CASQ2: variants seen among roughly 807,000 people sequenced by gnomAD.
CASQ2 encodes calsequestrin 2, also known as calsequestrin-2.
In CASQ2, 49 loss-of-function variants were observed where a neutral mutation model predicts 46.5. The observed-to-expected ratio is 1.05, with a 90% CI of 0.84 to 1.34. The LOEUF is 1.34. Ranked by LOEUF, CASQ2 falls within the 40% of genes most tolerant of loss-of-function variation. CASQ2 has a pLI of 0.00. For synonymous variants in CASQ2, 174 were observed against 168.5 expected (o/e 1.03, Z -0.25); for missense variants, 486 against 481.3 (o/e 1.01, Z -0.09).
chr1:115,722,073 A>G (rs1387301089), intron 7 of CASQ2, among the ~76,000 whole-genome samples: 1 of 152,174 alleles, frequency 6.6e-6, no homozygotes, highest in African/African-American at 2.4e-5. Flanking sequence ...TCAAGGAAAC[A>G]AAGATGACAC....
In CASQ2 at chr1:115,719,873, T is replaced by C. The variant is rs750873006; in HGVS notation, c.784-1979A>G. Among the ~76,000 whole-genome samples, 5 of 152,246 alleles carry C rather than the reference T, an allele frequency of 3.3e-5. No homozygotes were observed. The East Asian group carries it at 9.6e-4, about 29-fold the overall frequency. ...GTTGTCTTGGAAATTCTGTTTTTAA[T>C]TGCATGAATCTTCCCTCCTCAACTA... On this transcript the variant is annotated intron_variant, in intron 7 of 10. Transcript: ENST00000261448.
At chr1:115,704,183 T>G (rs186620218) in intron 9 of CASQ2, among the ~76,000 whole-genome samples, 53 of 152,366 alleles carry the variant, frequency 3.5e-4, no homozygotes, top group Non-Finnish European at 4.7e-4. Flanking sequence ...CTCAATTTTC[T>G]CTATTTAATC....
At position 115,754,666 on chromosome 1, in the gene CASQ2, T is replaced by A. The variant is rs531725721; in HGVS notation, c.235-9754A>T. Among the ~76,000 whole-genome samples the A allele has an allele frequency of 2.0e-5, 3 of 152,298 alleles. No homozygotes were observed. In the East Asian group the frequency reaches 5.8e-4, roughly 29 times the overall value. On this transcript the variant is annotated intron_variant, in intron 1 of 10. Transcript: ENST00000261448. ...CACTCTGGCTCCAGAGCCCGAACTT[T>A]CATCTGTTACCTTTTGTTCCTATAC...
chr1:115,703,000 A>G lies in CASQ2; in HGVS notation c.940-5T>C. On this transcript the variant is annotated splice_polypyrimidine_tract_variant and splice_region_variant and intron_variant, in intron 9 of 10. Coordinates refer to ENST00000261448, the MANE Select transcript of CASQ2 (RefSeq NM_001232.4). ...CTTCTCCCAGTAGGCAACGAGCTGC[A>G]GCAACAAAAAAATAAGATTAGACAG... 6.2e-7 allele frequency: 1 copy of G among 1,611,044 alleles called. No homozygotes were observed. The highest frequency in any genetic ancestry group is 1.3e-5 in the African/African-American group (1 of 75,020).
At chr1:115,723,341 T>TATCTATCTATCTATC (rs1557791559) in intron 7 of CASQ2, among the ~76,000 whole-genome samples, 1 of 147,220 alleles carries the variant, frequency 6.8e-6, no homozygotes, top group Non-Finnish European at 1.5e-5. Context: ...ATCTATCATC[T>TATCTATCTATCTATC]ATCTATGTAT....
intron 9 of CASQ2, 130 bp from the exon 10 acceptor site, chr1:115,703,125 G>T: frequency 1.4e-6 from 1 of 722,788 alleles, no homozygotes; most frequent in Non-Finnish European, 2.5e-6. Context: ...TGAGCACTTA[G>T]CAAATTGAAG....
chr1:115,710,515 G>A (rs10923245), intron 8 of CASQ2, among the ~76,000 whole-genome samples: 2,232 of 152,262 alleles, frequency 0.015, 63 homozygotes, highest in African/African-American at 0.051. Context: ...TTTAAGCCCA[G>A]TGTGAAAGCT....
intron 1 of CASQ2, among the ~76,000 whole-genome samples, chr1:115,766,989 G>A (rs1649158944): frequency 6.6e-6 from 1 of 152,050 alleles, no homozygotes; most frequent in East Asian, 1.9e-4. Context: ...GCCTGTACTG[G>A]CCACCCAAAG....
chr1:115,732,480 A>T (rs527855162), intron 5 of CASQ2, among the ~76,000 whole-genome samples: 1 of 152,256 alleles, frequency 6.6e-6, no homozygotes, highest in East Asian at 1.9e-4. Context: ...TTCGCAGAAC[A>T]CTTGCTTGAA....
intron 8 of CASQ2, among the ~76,000 whole-genome samples, chr1:115,712,013 T>C (rs569464511): frequency 6.6e-6 from 1 of 152,206 alleles, no homozygotes; most frequent in Non-Finnish European, 1.5e-5. Context: ...GCCCAGAGCC[T>C]GAGGCTGAGA....
Position 115,701,308 on chromosome 1 carries a change from T to C in CASQ2, c.1133A>G (p.Asp378Gly). The change falls in exon 11 of 11, where the codon GAT (aspartate) becomes GGT (glycine). Residue 378 changes from aspartate (D) to glycine (G), a missense_variant. Transcript: ENST00000261448. ...GKINTEDDDE[D>G]DDDDDNSDEE... ...ATCAGAATTATCATCATCATCATCA[T>C]CTTCATCATCATCTTCAGTGTTTAT... 1 of 1,601,338 alleles carries C rather than the reference T, an allele frequency of 6.2e-7. No individual in the cohort carries two copies. Among genetic ancestry groups the C allele is most frequent in the Non-Finnish European group, 8.6e-7 (1 of 1,168,492 alleles).
chr1:115,712,780 C>G lies in CASQ2; in HGVS notation c.838+5060G>C, dbSNP rs1419091365. Reference sequence around the variant, plus strand: ...CTGAGGCAGGAGAATCGCTTGAACCCGGGAGGTGGAGGTTGCAGTGAGCAG... The same window carrying G: ...CTGAGGCAGGAGAATCGCTTGAACCGGGGAGGTGGAGGTTGCAGTGAGCAG... On this transcript the variant is annotated intron_variant, in intron 8 of 10. Transcript: ENST00000261448. Among the ~76,000 whole-genome samples, 3 of 150,114 alleles carry G rather than the reference C, an allele frequency of 2.0e-5. No individual in the cohort carries two copies. In the East Asian group the frequency reaches 5.9e-4, roughly 30 times the overall value.
intron 8 of CASQ2, among the ~76,000 whole-genome samples, chr1:115,707,784 G>A (rs1360751546): frequency 2.0e-5 from 3 of 152,220 alleles, no homozygotes; most frequent in African/African-American, 7.2e-5. Flanking sequence ...TACTTTGGAA[G>A]ATGAGAGAGA....
At chr1:115,761,862 T>C (rs1019788125) in intron 1 of CASQ2, among the ~76,000 whole-genome samples, 2 of 152,164 alleles carry the variant, frequency 1.3e-5, no homozygotes, top group Non-Finnish European at 2.9e-5. Context: ...CCTCTAAATA[T>C]TATTGGAAAG....
At chr1:115,733,892 T>C (rs1288953770) in intron 4 of CASQ2, among the ~76,000 whole-genome samples, 1 of 152,212 alleles carries the variant, frequency 6.6e-6, no homozygotes, top group Non-Finnish European at 1.5e-5. Flanking sequence ...TAAGATTCTA[T>C]CAAAATTTTT....
rs1369896914 is a variant in CASQ2, at chr1:115,701,287, G to C, written c.1154C>G (p.Ser385Cys). Residue 385 changes from serine to cysteine, a missense_variant, in exon 11 of 11, where the codon TCT becomes TGT. Ser to Cys is a moderately radical substitution (Grantham distance 112). Coordinates refer to ENST00000261448, the MANE Select transcript of CASQ2 (RefSeq NM_001232.4). ...DDEDDDDDDNSDEEDNDDSDD... is the reference protein window; with the variant it reads ...DDEDDDDDDNCDEEDNDDSDD... Reference sequence around the variant, plus strand: ...ACTGTCATCATTATCCTCTTCATCAGAATTATCATCATCATCATCATCTTC... The same window carrying C: ...ACTGTCATCATTATCCTCTTCATCACAATTATCATCATCATCATCATCTTC... 6.3e-7 allele frequency: 1 copy of C among 1,599,164 alleles called. No individual in the cohort carries two copies. The highest frequency in any genetic ancestry group is 8.6e-7 in the Non-Finnish European group (1 of 1,166,610).
Position 115,768,497 on chromosome 1 carries a change from G to A in CASQ2, c.45C>T (p.Ser15=). 1.2e-6 allele frequency: 2 copies of A among 1,613,736 alleles called. No homozygotes were observed. Among genetic ancestry groups the A allele is most frequent in the South Asian group, 1.1e-5 (1 of 91,074 alleles). Residue 15 remains serine (S), a synonymous_variant, in exon 1 of 11, where the codon TCC becomes TCT. Transcript: ENST00000261448. ...TAAGCCCCTCTTCTGCCCTGCAAGAGGACAGAAAATAAATCCCCACAATAA... is the reference window on the plus strand; with the variant it reads ...TAAGCCCCTCTTCTGCCCTGCAAGAAGACAGAAAATAAATCCCCACAATAA... The part of the protein sequence containing the change: ...HLFIVGIYFL[S]SCRAEEGLNF...
At chr1:115,719,714 C>T (rs1647302470) in intron 7 of CASQ2, among the ~76,000 whole-genome samples, 1 of 152,138 alleles carries the variant, frequency 6.6e-6, no homozygotes, top group South Asian at 2.1e-4. Context: ...GGCAAGCTGG[C>T]AAGTTGGGGT....
chr1:115,728,573 C>T (rs527393717), intron 5 of CASQ2, among the ~76,000 whole-genome samples: 57 of 152,106 alleles, frequency 3.7e-4, no homozygotes, highest in African/African-American at 1.4e-3. Flanking sequence ...ATTCTAGGAA[C>T]CAGAAGACTG....
Sources: allele counts gnomAD v4.1 joint callset (sites outside exome capture counted in the v4.1 genomes callset), GRCh38; gene constraint gnomAD v4.1.1; transcripts MANE v1.5; gene names NCBI Gene and HGNC (gene_info 2026-07-23, HGNC 2026-07-21).